Variants in CD44 observed in about 807,000 individuals in gnomAD.
The protein encoded by CD44 is CD44 molecule (IN blood group), also known as CD44 antigen.
A neutral mutation model predicts 88.8 loss-of-function variants in CD44; 49 were observed. The ratio of observed to expected loss-of-function variants is 0.55; its 90% CI spans 0.44 to 0.70. CD44 has a LOEUF of 0.70. CD44 is among the 30% of genes least tolerant of loss of function. The pLI is 0.00. For synonymous variants in CD44, 325 were observed against 312.3 expected (o/e 1.04, Z -0.43); for missense variants, 883 against 913.8 (o/e 0.97, Z 0.43).
intron 1 of CD44, among the ~76,000 whole-genome samples, chr11:35,164,596 G>A (rs1241890402): frequency 6.6e-6 from 1 of 152,108 alleles, no homozygotes; most frequent in Non-Finnish European, 1.5e-5. Context: ...AAGACAACAA[G>A]TCTTAACTGC....
chr11:35,165,323 G>A (rs1260385359), intron 1 of CD44, among the ~76,000 whole-genome samples: 1 of 152,196 alleles, frequency 6.6e-6, no homozygotes, highest in Non-Finnish European at 1.5e-5. Context: ...GGGGAATGGG[G>A]AAAATTAGCA....
At chr11:35,174,529 A>C (rs192077426) in intron 1 of CD44, among the ~76,000 whole-genome samples, 1 of 152,200 alleles carries the variant, frequency 6.6e-6, no homozygotes, top group Non-Finnish European at 1.5e-5. Context: ...ACCGGGGGTC[A>C]TATAGTCCCA....
intron 1 of CD44, among the ~76,000 whole-genome samples, chr11:35,170,393 AT>A (rs1174580904): frequency 6.6e-6 from 1 of 152,154 alleles, no homozygotes; most frequent in Non-Finnish European, 1.5e-5. Context: ...ACCTCTTCCC[AT>A]GTGGGTAGGG....
At chr11:35,206,068 C>A (rs376790876) in intron 10 of CD44, 44 bp from the exon 11 acceptor site, 2 of 1,559,106 alleles carry the variant, frequency 1.3e-6, no homozygotes, top group South Asian at 1.2e-5. Flanking sequence ...CCTGACCAAG[C>A]GTCCATTAAC....
chr11:35,227,650 C>T (rs1296249941), intron 17 of CD44, among the ~76,000 whole-genome samples: 1 of 152,222 alleles, frequency 6.6e-6, no homozygotes, highest in Non-Finnish European at 1.5e-5. Flanking sequence ...ATTTTTATTT[C>T]CCCAAACAAG....
At chr11:35,193,173 TTCCCTGGGCCACA>T (rs1297073196) in intron 5 of CD44, among the ~76,000 whole-genome samples, 4 of 152,182 alleles carry the variant, frequency 2.6e-5, no homozygotes, top group Non-Finnish European at 5.9e-5. Context: ...GTCTTTTGGC[TTCCCTGGGCCACA>T]TTGGAAGAAG....
chr11:35,214,314 G>A (rs2134245617), intron 14 of CD44, among the ~76,000 whole-genome samples: 1 of 151,870 alleles, frequency 6.6e-6, no homozygotes, highest in Non-Finnish European at 1.5e-5. Flanking sequence ...AAAATAAGTA[G>A]TTGACCTTTC....
chr11:35,226,256 C>T (rs1278304315), intron 17 of CD44, among the ~76,000 whole-genome samples: 3 of 152,198 alleles, frequency 2.0e-5, no homozygotes, highest in Non-Finnish European at 4.4e-5. Flanking sequence ...TTTAGATTAA[C>T]AACATTAATC....
At chr11:35,201,835 G>A in intron 9 of CD44, 48 bp downstream of exon 9, 1 of 1,590,290 alleles carries the variant, frequency 6.3e-7, no homozygotes, top group Non-Finnish European at 8.6e-7. Context: ...AATTAGTAAA[G>A]ACATTCCAGC....
intron 1 of CD44, among the ~76,000 whole-genome samples, chr11:35,176,039 A>AT (rs201610565): frequency 0.075 from 7,660 of 102,128 alleles, 328 homozygotes; most frequent in Non-Finnish European, 0.095. Flanking sequence ...TAATTTTTGT[A>AT]TTTTTTTTTT....
In CD44 at chr11:35,180,423, G is replaced by C; in HGVS notation, c.367+16G>C. 6.2e-7 allele frequency: 1 copy of C among 1,613,838 alleles called. No individual in the cohort carries two copies. The highest frequency in any genetic ancestry group is 8.5e-7 in the Non-Finnish European group (1 of 1,179,840). ...AATGCTTCAGGTTGGTTCTCAGGGG[G>C]GTGTCTGTTGGCGTGAAAGGCTGTG... On this transcript the variant is annotated intron_variant, in intron 3 of 17. Coordinates refer to ENST00000428726, the MANE Select transcript of CD44 (RefSeq NM_000610.4).
chr11:35,222,753 C>T, intron 17 of CD44: 4 of 980,196 alleles, frequency 4.1e-6, no homozygotes, highest in Non-Finnish European at 3.6e-6. Context: ...TTATTTTTCT[C>T]CAGGACGTAA....
intron 4 of CD44, among the ~76,000 whole-genome samples, chr11:35,189,250 G>A (rs555034131): frequency 6.6e-6 from 1 of 152,276 alleles, no homozygotes; most frequent in East Asian, 1.9e-4. Context: ...TAGACCTGCT[G>A]GTTTCCTAGC....
At chr11:35,163,727 C>A (rs777376088) in intron 1 of CD44, among the ~76,000 whole-genome samples, 1 of 152,132 alleles carries the variant, frequency 6.6e-6, no homozygotes, top group African/African-American at 2.4e-5. Flanking sequence ...GCTCCCTCCC[C>A]CCAGCTAAAT....
At chr11:35,165,105 A>G (rs1399056971) in intron 1 of CD44, among the ~76,000 whole-genome samples, 1 of 152,176 alleles carries the variant, frequency 6.6e-6, no homozygotes, top group Non-Finnish European at 1.5e-5. Context: ...AGCATCTGGT[A>G]GATTGAGTCT....
At chr11:35,195,062 G>A (rs558055906) in intron 5 of CD44, among the ~76,000 whole-genome samples, 1 of 152,312 alleles carries the variant, frequency 6.6e-6, no homozygotes, top group Admixed American at 6.5e-5. Flanking sequence ...CTCCATATCA[G>A]AATCTAGGCC....
chr11:35,179,106 T>C (rs2133695803), intron 2 of CD44, among the ~76,000 whole-genome samples: 1 of 152,326 alleles, frequency 6.6e-6, no homozygotes, highest in Non-Finnish European at 1.5e-5. Context: ...GAGAAATTAG[T>C]CATGCGAGCT....
chr11:35,181,921 T>TTA (rs371328712), intron 3 of CD44, among the ~76,000 whole-genome samples: 16,191 of 67,494 alleles, frequency 0.24, 2,409 homozygotes, highest in African/African-American at 0.4. Context: ...ATATTATATA[T>TTA]TATATTATAT....
chr11:35,148,723 C>A (rs1485215909), intron 1 of CD44, among the ~76,000 whole-genome samples: 1 of 152,210 alleles, frequency 6.6e-6, no homozygotes, highest in East Asian at 1.9e-4. Context: ...TAGCCCTGAG[C>A]GGTCAGCACA....
Sources: allele counts gnomAD v4.1 joint callset (sites outside exome capture counted in the v4.1 genomes callset), GRCh38; gene constraint gnomAD v4.1.1; transcripts MANE v1.5; gene names NCBI Gene and HGNC (gene_info 2026-07-23, HGNC 2026-07-21).